Variants in CRLF3 observed in about 807,000 individuals in gnomAD.
The protein encoded by CRLF3 is cytokine receptor-like factor 3.
CRLF3 carries 33 observed loss-of-function variants against 55.0 expected under a neutral mutation model. The ratio of observed to expected loss-of-function variants is 0.60; its 90% CI spans 0.46 to 0.80. CRLF3 has a LOEUF of 0.80. Among genes scored for constraint, CRLF3 ranks in the 30% least tolerant of loss-of-function variants. The probability of loss-of-function intolerance (pLI) is 0.00; values close to 1 mark genes in which losing one functional copy is unlikely to be tolerated. For synonymous variants in CRLF3, 238 were observed against 196.8 expected, an observed-to-expected ratio of 1.21 and a Z score of -1.75; for missense variants, 494 against 538.4, an observed-to-expected ratio of 0.92 and a Z score of 0.82.
chr17:30,800,108 C>T (rs973946195), intron 2 of CRLF3, among the ~76,000 whole-genome samples: 4 of 152,128 alleles, frequency 2.6e-5, no homozygotes, highest in Non-Finnish European at 5.9e-5. Flanking sequence ...GAATCATCCA[C>T]GCCTTTTTCC....
chr17:30,824,111 C>T (rs771695785), intron 1 of CRLF3, among the ~76,000 whole-genome samples: 4 of 152,024 alleles, frequency 2.6e-5, no homozygotes, highest in Non-Finnish European at 5.9e-5. Context: ...TCCCAGGTCA[C>T]TGTCCCACCT....
intron 1 of CRLF3, among the ~76,000 whole-genome samples, chr17:30,822,059 C>T (rs1428326586): frequency 2.2e-5 from 3 of 133,420 alleles, no homozygotes; most frequent in African/African-American, 5.9e-5. Flanking sequence ...TCCGCACCCC[C>T]GCCAAAAAAA....
rs141576359 is a variant in CRLF3, at chr17:30,794,091, C to T, written c.604-419G>A. ...TCAAGCAATCTTCTCGTCTCAGCCT[C>T]TCAAAGTGCTAGGACTATAGGCGTG... On this transcript the variant is annotated intron_variant, in intron 4 of 7. Coordinates refer to ENST00000324238, the MANE Select transcript of CRLF3 (RefSeq NM_015986.4). Among the ~76,000 whole-genome samples, 503 of 152,292 alleles carry T rather than the reference C, an allele frequency of 3.3e-3. 3 individuals are homozygous for T. Among genetic ancestry groups the T allele is most frequent in the Non-Finnish European group, 5.8e-3 (395 of 68,024 alleles).
chr17:30,813,047 C>T (rs1297895877), intron 1 of CRLF3, among the ~76,000 whole-genome samples: 1 of 152,174 alleles, frequency 6.6e-6, no homozygotes, highest in African/African-American at 2.4e-5. Context: ...AACTACCTAT[C>T]TGAGCCCCAG....
intron 1 of CRLF3, among the ~76,000 whole-genome samples, chr17:30,824,216 AC>A (rs1203363382): frequency 6.7e-6 from 1 of 148,276 alleles, no homozygotes. Context: ...TACCCGCATG[AC>A]CCCCTCGGAT....
chr17:30,814,651 C>G (rs549361228), intron 1 of CRLF3, among the ~76,000 whole-genome samples: 2 of 148,924 alleles, frequency 1.3e-5, no homozygotes, highest in South Asian at 4.2e-4. Flanking sequence ...AGCAAGACTC[C>G]ACCTCAAAAA....
In CRLF3 at chr17:30,797,334, CT is replaced by C. The variant is rs34119477; in HGVS notation, c.401del (p.Lys134ArgfsTer33). The C allele has an allele frequency of 6.2e-7, 1 of 1,613,870 alleles. No homozygotes were observed. Among genetic ancestry groups the C allele is most frequent in the Non-Finnish European group, 8.5e-7 (1 of 1,179,808 alleles). ...ACCTGTCCAACTGAATGTGCGAGGC[CT>C]TTTTGGTAAAGCTCCACAGTTTCTC... ...ENEKLWSFTK[K>X]ASHIQLDSLP... On this transcript the variant is annotated frameshift_variant, in exon 3 of 8. Coordinates refer to ENST00000324238, the MANE Select transcript of CRLF3 (RefSeq NM_015986.4). LOFTEE classifies it high-confidence loss of function.
chr17:30,823,469 A>G (rs1905055246), intron 1 of CRLF3, among the ~76,000 whole-genome samples: 1 of 151,696 alleles, frequency 6.6e-6, no homozygotes, highest in Non-Finnish European at 1.5e-5. Context: ...GAGAATATCC[A>G]AAGACACTGT....
Position 30,796,300 on chromosome 17 carries a change from A to C in CRLF3, c.463T>G (p.Leu155Val). 6.2e-7 allele frequency: 1 copy of C among 1,614,048 alleles called. No homozygotes were observed. Among genetic ancestry groups the C allele is most frequent in the Non-Finnish European group, 8.5e-7 (1 of 1,179,954 alleles). The change falls in exon 4 of 8, where the codon TTA (leucine) becomes GTA (valine). Residue 155 changes from leucine to valine, a missense_variant. By Grantham distance (32) the Leu-to-Val change is conservative (BLOSUM62 1). Coordinates refer to ENST00000324238, the MANE Select transcript of CRLF3 (RefSeq NM_015986.4). ...EVPLLVDVPC[L>V]SAQLDDSILN... ...ATTGAGTCATCCAACTGAGCAGATA[A>C]ACAAGGCACATCAACCAGTAAAGGT...
At chr17:30,798,138 G>A (rs1971952804) in intron 2 of CRLF3, among the ~76,000 whole-genome samples, 1 of 152,084 alleles carries the variant, frequency 6.6e-6, no homozygotes, top group Non-Finnish European at 1.5e-5. Flanking sequence ...CCAGCACTTT[G>A]GGAGGCGGAG....
At chr17:30,785,781 TAAAAA>T (rs55664579) in intron 7 of CRLF3, 133 bp downstream of exon 7, 51 of 427,766 alleles carry the variant, frequency 1.2e-4, no homozygotes, top group African/African-American at 1.1e-3. Context: ...GACTTCATAA[TAAAAA>T]AAAAAAAAAA....
chr17:30,792,815 AATC>A (rs1450288443), intron 5 of CRLF3: 10 of 239,236 alleles, frequency 4.2e-5, no homozygotes, highest in Non-Finnish European at 7.1e-6. Context: ...TATCTAATAA[AATC>A]ATTGTACAAG....
At chr17:30,798,664 C>A (rs1971959973) in intron 2 of CRLF3, among the ~76,000 whole-genome samples, 1 of 151,968 alleles carries the variant, frequency 6.6e-6, no homozygotes. Flanking sequence ...CATGATGAAA[C>A]CCCGTCTCTA....
rs1567661168 is a variant in CRLF3, at chr17:30,793,511, G to T, written c.765C>A (p.Gly255=). The T allele has an allele frequency of 6.2e-7, 1 of 1,614,104 alleles. No individual in the cohort carries two copies. The highest frequency in any genetic ancestry group is 1.7e-5 in the Admixed American group (1 of 59,994). ...YQFRVCARGD[G]RQEWSPWSVP... is the part of the protein sequence containing the mutation. ...CACTCCAAGGACTCCACTCCTGTCG[G>T]CCATCTCCTCGGGCGCAGACTCTGA... The change falls in exon 5 of 8, where the codon GGC becomes GGA. Residue 255 remains glycine (G), a synonymous_variant. Transcript: ENST00000324238.
Position 30,783,915 on chromosome 17 carries a change from TC to T in CRLF3, c.*271del. On this transcript the variant is annotated 3_prime_UTR_variant, in exon 8 of 8. Transcript: ENST00000324238. ...AAGTACAGTGGAAGGGTATAGAACT[TC>T]CTATATCTTCTATACTTTTAATGCC... The T allele has an allele frequency of 2.9e-6, 1 of 346,656 alleles. No individual in the cohort carries two copies. The highest frequency in any genetic ancestry group is 4.5e-5 in the Admixed American group (1 of 22,456). The allele number at this position is 346,656 out of a possible 1,614,324, so 21.5% of individuals were successfully genotyped here.
At chr17:30,806,372 C>T (rs1018799716) in intron 1 of CRLF3, among the ~76,000 whole-genome samples, 9 of 152,116 alleles carry the variant, frequency 5.9e-5, no homozygotes, top group African/African-American at 2.2e-4. Flanking sequence ...TATGAAACTT[C>T]GTTTGCAGAA....
intron 1 of CRLF3, among the ~76,000 whole-genome samples, chr17:30,813,130 G>A (rs1395639332): frequency 6.6e-6 from 1 of 152,072 alleles, no homozygotes; most frequent in Non-Finnish European, 1.5e-5. Context: ...GTTTTATTAC[G>A]TAGCAGTAAA....
intron 1 of CRLF3, among the ~76,000 whole-genome samples, chr17:30,822,563 A>C (rs1905029852): frequency 6.6e-6 from 1 of 152,262 alleles, no homozygotes; most frequent in Admixed American, 6.5e-5. Flanking sequence ...CTCAAAAACA[A>C]AACAAAACAA....
intron 1 of CRLF3, among the ~76,000 whole-genome samples, chr17:30,809,368 T>TGTG (rs1235093017): frequency 2.6e-5 from 4 of 152,208 alleles, no homozygotes; most frequent in African/African-American, 9.6e-5. Flanking sequence ...ATTTAAAGCC[T>TGTG]AGTCACCTTT....
Sources: allele counts gnomAD v4.1 joint callset (sites outside exome capture counted in the v4.1 genomes callset), GRCh38; gene constraint gnomAD v4.1.1; transcripts MANE v1.5; gene names NCBI Gene and HGNC (gene_info 2026-07-23, HGNC 2026-07-21).